PDS5B: variants seen among roughly 807,000 people sequenced by gnomAD.
PDS5B encodes the protein PDS5 cohesin associated factor B, also known as sister chromatid cohesion protein PDS5 homolog B.
PDS5B carries 51 observed loss-of-function variants against 184.1 expected under a neutral mutation model. That is an observed-to-expected ratio of 0.28 (90% confidence interval 0.22 to 0.35). The LOEUF (loss-of-function observed/expected upper bound fraction) is 0.35. Ranked by LOEUF, PDS5B falls within the 10% of genes least tolerant of loss-of-function variation. The pLI is 1.00. For missense variants in PDS5B, 1,180 were observed against 1,723.3 expected (o/e 0.68, Z 5.58); for synonymous variants, 566 against 569.2 (o/e 0.99, Z 0.08).
At chr13:32,654,617 C>T (rs1443515550) in intron 3 of PDS5B, among the ~76,000 whole-genome samples, 1 of 151,882 alleles carries the variant, frequency 6.6e-6, no homozygotes, top group Non-Finnish European at 1.5e-5. Flanking sequence ...GTTTGGTGTA[C>T]AGATTATTTT....
chr13:32,656,477 G>A (rs572519197), intron 3 of PDS5B, among the ~76,000 whole-genome samples: 11 of 151,544 alleles, frequency 7.3e-5, no homozygotes, highest in Non-Finnish European at 1.3e-4. Context: ...AACATGGAAT[G>A]ATTTTCCATT....
rs118104257 is a variant in PDS5B at position 32,686,736 on chromosome 13, G to C, written c.1204-398G>C. The stretch of plus-strand genomic sequence containing the variant: ...GTTGTTCATGACTTTGGTGAGCTGT[G>C]ATTGCACCACTTCACTCCAACTTGG... On this transcript the variant is annotated intron_variant, in intron 11 of 34. Coordinates refer to ENST00000315596, the MANE Select transcript of PDS5B (RefSeq NM_015032.4). Among the ~76,000 whole-genome samples the C allele has an allele frequency of 2.2e-3, 335 of 152,308 alleles. 3 individuals are homozygous for C. The East Asian group carries it at 0.023, about 11-fold the overall frequency.
intron 11 of PDS5B, among the ~76,000 whole-genome samples, chr13:32,685,632 T>G (rs1163082201): frequency 6.6e-6 from 1 of 152,152 alleles, no homozygotes; most frequent in Non-Finnish European, 1.5e-5. Context: ...TACAAACTTT[T>G]TATAAACAAA....
In PDS5B at chr13:32,687,281, G is replaced by T; in HGVS notation, c.1351G>T (p.Asp451Tyr). The T allele has an allele frequency of 6.4e-7, 1 of 1,572,102 alleles. No homozygotes were observed. The highest frequency in any genetic ancestry group is 1.2e-5 in the South Asian group (1 of 84,780). Residue 451 changes from aspartate to tyrosine, a missense_variant, in exon 12 of 35, where the codon GAT becomes TAT. Asp to Tyr is a radical substitution (Grantham distance 160, BLOSUM62 -3). Coordinates refer to ENST00000315596, the MANE Select transcript of PDS5B (RefSeq NM_015032.4). ...LHIYYQNSID[D>Y]RLLVERIFAQ... ...TATATATTATCAAAATAGTATTGAT[G>T]ATCGGTAAGTTAAGGACACTATAAA...
intron 13 of PDS5B, chr13:32,690,788 G>A (rs1018691805): frequency 1.3e-4 from 20 of 152,202 alleles, no homozygotes; most frequent in African/African-American, 4.6e-4. Context: ...ATCTGGACCA[G>A]TACTCAAAAG....
chr13:32,611,698 G>A (rs556286202), intron 1 of PDS5B, among the ~76,000 whole-genome samples: 3 of 151,636 alleles, frequency 2.0e-5, no homozygotes, highest in Non-Finnish European at 2.9e-5. Flanking sequence ...TTGTAGATAC[G>A]GGGTTTTACC....
At chr13:32,691,415 GAGTCAATGCAGAAAA>G (rs1173828980) in intron 13 of PDS5B, 2 of 151,934 alleles carry the variant, frequency 1.3e-5, no homozygotes, top group African/African-American at 4.8e-5. Context: ...TGAGAAATTT[GAGTCAATGCAGAAAA>G]TGGATGTCTG....
At chr13:32,737,390 G>C (rs1347487180) in intron 21 of PDS5B, among the ~76,000 whole-genome samples, 1 of 152,030 alleles carries the variant, frequency 6.6e-6, no homozygotes, top group East Asian at 1.9e-4. Context: ...TACTTAATGG[G>C]CTCAGGATTC....
At chr13:32,685,809 AT>A (rs910004678) in intron 11 of PDS5B, among the ~76,000 whole-genome samples, 5 of 148,760 alleles carry the variant, frequency 3.4e-5, no homozygotes, top group Non-Finnish European at 6.0e-5. Context: ...TGCCTGGCCA[AT>A]TTTTTTTTTA....
intron 3 of PDS5B, among the ~76,000 whole-genome samples, chr13:32,654,499 C>T (rs188675988): frequency 6.6e-6 from 1 of 152,232 alleles, no homozygotes; most frequent in East Asian, 1.9e-4. Flanking sequence ...GTACTACTAT[C>T]AAAGTAACTT....
chr13:32,621,656 A>T (rs974377737), intron 1 of PDS5B, among the ~76,000 whole-genome samples: 2 of 143,760 alleles, frequency 1.4e-5, no homozygotes, highest in African/African-American at 5.0e-5. Flanking sequence ...TTCTTGAATA[A>T]TTTTTTGTTA....
chr13:32,684,384 T>C (rs895563320), intron 11 of PDS5B, among the ~76,000 whole-genome samples: 2 of 152,240 alleles, frequency 1.3e-5, no homozygotes, highest in Admixed American at 6.5e-5. Context: ...GCTGTTGTTA[T>C]ATGGGTATGA....
Position 32,724,995 on chromosome 13 carries a change from G to A in PDS5B, c.2124-7106G>A, listed in dbSNP as rs1327630690. ...TAAGATTTGTATGCTTTCCTGTCAGGAGGCTCATAATAGCTGGCCATCTCT... is the reference window on the plus strand; with the variant it reads ...TAAGATTTGTATGCTTTCCTGTCAGAAGGCTCATAATAGCTGGCCATCTCT... On this transcript the variant is annotated intron_variant, in intron 19 of 34. Transcript: ENST00000315596. 2.0e-5 allele frequency among the ~76,000 whole-genome samples: 3 copies of A among 152,116 alleles called. No individual in the cohort carries two copies. The East Asian group carries it at 5.8e-4, about 29-fold the overall frequency.
intron 22 of PDS5B, among the ~76,000 whole-genome samples, chr13:32,741,827 T>TA (rs2140973653): frequency 6.6e-6 from 1 of 152,036 alleles, no homozygotes; most frequent in East Asian, 1.9e-4. Context: ...ACTTGTACAA[T>TA]AGCCCCACCT....
chr13:32,629,488 G>A (rs1230615996), intron 1 of PDS5B, among the ~76,000 whole-genome samples: 3 of 152,106 alleles, frequency 2.0e-5, no homozygotes, highest in African/African-American at 7.2e-5. Flanking sequence ...AAAAGGGGTG[G>A]TTAAAACTCA....
intron 3 of PDS5B, among the ~76,000 whole-genome samples, chr13:32,654,718 G>A (rs1403072619): frequency 6.6e-6 from 1 of 152,088 alleles, no homozygotes; most frequent in African/African-American, 2.4e-5. Context: ...GCTGGTGTCT[G>A]TTCTCTTCTT....
intron 1 of PDS5B, among the ~76,000 whole-genome samples, chr13:32,644,494 A>G (rs1472365754): frequency 2.0e-5 from 3 of 152,214 alleles, no homozygotes; most frequent in Non-Finnish European, 4.4e-5. Flanking sequence ...ATCTGTGAAT[A>G]ACGACTGGTT....
At position 32,696,836 on chromosome 13, in the gene PDS5B, T is replaced by C. The variant is rs1951721133; in HGVS notation, c.1552-18T>C. 1 of 1,586,010 alleles carries C rather than the reference T, an allele frequency of 6.3e-7. No homozygotes were observed. On this transcript the variant is annotated intron_variant, in intron 14 of 34. Coordinates refer to ENST00000315596, the MANE Select transcript of PDS5B (RefSeq NM_015032.4). Reference sequence around the variant, plus strand: ...TGTTAGGGAATTTTAATTTTGCATTTTTTTGTGTGATTTACAGACAGATGC... The same window carrying C: ...TGTTAGGGAATTTTAATTTTGCATTCTTTTGTGTGATTTACAGACAGATGC...
chr13:32,644,698 C>T (rs1287936455), intron 1 of PDS5B, among the ~76,000 whole-genome samples: 1 of 152,118 alleles, frequency 6.6e-6, no homozygotes, highest in African/African-American at 2.4e-5. Flanking sequence ...CTACTTATCT[C>T]AGATAAAGGA....
Sources: gnomAD v4.1 joint callset for allele counts (sites outside exome capture counted in the v4.1 genomes callset) on GRCh38, gnomAD v4.1.1 for gene constraint, MANE v1.5 for transcripts, NCBI Gene and HGNC (gene_info 2026-07-23, HGNC 2026-07-21) for gene names.